The following NSMCE2 variants were observed in gnomAD, a reference collection of about 807,000 sequenced individuals.
The protein encoded by NSMCE2 is NSE2 SUMO ligase component of SMC5/6 complex.
A neutral mutation model predicts 23.8 loss-of-function variants in NSMCE2; 24 were observed. That is an observed-to-expected ratio of 1.01 (90% CI 0.73 to 1.42). The LOEUF is 1.42. Ranked by LOEUF, NSMCE2 falls within the 40% of genes most tolerant of loss-of-function variation. The pLI, the probability that NSMCE2 is intolerant of heterozygous loss-of-function variation, is 0.00. For missense variants in NSMCE2, 284 were observed against 296.5 expected (o/e 0.96, Z 0.31); for synonymous variants, 92 against 94.1 (o/e 0.98, Z 0.13).
At chr8:125,172,732 A>T (rs772941354) in intron 4 of NSMCE2, among the ~76,000 whole-genome samples, 1 of 152,246 alleles carries the variant, frequency 6.6e-6, no homozygotes, top group Non-Finnish European at 1.5e-5. Context: ...AGACCAAAAA[A>T]TAAATATGAA....
rs112768951 is a variant in NSMCE2 at position 125,119,392 on chromosome 8, G to T, written c.157+16905G>T. Among the ~76,000 whole-genome samples the T allele has an allele frequency of 6.6e-3, 1,001 of 152,278 alleles. 20 individuals are homozygous for T. Among genetic ancestry groups the T allele is most frequent in the African/African-American group, 0.023 (955 of 41,552 alleles). Reference sequence around the variant, plus strand: ...GTCACTTTTTAGTTTTTAAAACAGCGTGTATAGTATCTGAATACCATCTGG... The same window carrying T: ...GTCACTTTTTAGTTTTTAAAACAGCTTGTATAGTATCTGAATACCATCTGG... On this transcript the variant is annotated intron_variant, in intron 3 of 7. Transcript: ENST00000287437.
At chr8:125,293,872 A>G (rs1828216258) in intron 5 of NSMCE2, among the ~76,000 whole-genome samples, 1 of 152,222 alleles carries the variant, frequency 6.6e-6, no homozygotes, top group African/African-American at 2.4e-5. Context: ...TTGTTTTTGT[A>G]TATTCACAGA....
chr8:125,351,826 C>A (rs1274197003), intron 5 of NSMCE2, among the ~76,000 whole-genome samples: 1 of 152,052 alleles, frequency 6.6e-6, no homozygotes, highest in Non-Finnish European at 1.5e-5. Context: ...GCCTGGCCAA[C>A]ATGGTGAAAC....
chr8:125,352,507 G>A (rs541712543), intron 5 of NSMCE2, among the ~76,000 whole-genome samples: 3 of 151,802 alleles, frequency 2.0e-5, no homozygotes, highest in Non-Finnish European at 4.4e-5. Context: ...TGGGAGCAGA[G>A]GAGCTCCCAG....
rs553108814 is a variant in NSMCE2, at chr8:125,357,248, G to A, written c.448G>A (p.Gly150Arg). ...CGLQADREAD[G>R]TEGVDEDIIV... is the part of the protein sequence containing the mutation. The stretch of plus-strand genomic sequence containing the variant: ...TCTTCAAGCTGACAGAGAAGCTGAC[G>A]GAACAGAAGGAGTGGATGAAGATAT... The change falls in exon 6 of 8, where the codon GGA becomes AGA. Residue 150 changes from glycine to arginine, a missense_variant. Around this residue, in one of 2 missense-constraint regions of NSMCE2, gnomAD observed 102 missense variants for 141.0 expected, o/e 0.72. Transcript: ENST00000287437. The A allele has an allele frequency of 2.9e-5, 46 of 1,613,444 alleles. No individual in the cohort carries two copies. The highest frequency in any genetic ancestry group is 3.6e-5 in the Non-Finnish European group (42 of 1,179,428).
chr8:125,295,999 G>A (rs1488549711), intron 5 of NSMCE2, among the ~76,000 whole-genome samples: 1 of 152,098 alleles, frequency 6.6e-6, no homozygotes, highest in Non-Finnish European at 1.5e-5. Context: ...ATTAAAGTAT[G>A]AGTAGGAATT....
At chr8:125,326,965 AAAG>A in intron 5 of NSMCE2, among the ~76,000 whole-genome samples, 1 of 148,414 alleles carries the variant, frequency 6.7e-6, no homozygotes, top group South Asian at 2.1e-4. Flanking sequence ...TCAAAAAAAA[AAAG>A]AGAGAGAGAG....
chr8:125,110,030 A>G (rs1384162743), intron 3 of NSMCE2, among the ~76,000 whole-genome samples: 1 of 152,126 alleles, frequency 6.6e-6, no homozygotes, highest in African/African-American at 2.4e-5. Flanking sequence ...TTATTTTTAA[A>G]TCATCTTTAA....
rs1563663082 is a variant in NSMCE2 at position 125,122,171 on chromosome 8, C to CTA, written c.157+19684_157+19685insTA. Among the ~76,000 whole-genome samples the CTA allele has an allele frequency of 1.6e-4, 14 of 86,416 alleles. 1 individual carries two copies. Among genetic ancestry groups the CTA allele is most frequent in the African/African-American group, 5.9e-4 (13 of 22,158 alleles). 56.7% of individuals were successfully genotyped at this position (86,416 alleles called of 152,430 possible). A position where few individuals can be genotyped will look rare whatever the true frequency, so the allele number is the denominator to read the frequency against. ...TGACTTAGAAGGTTCTCTGGCTGAG[C>CTA]CAAAAAAAAAAAAAAAAAAAAAAAT... is the stretch of plus-strand genomic sequence containing the variant. On this transcript the variant is annotated intron_variant, in intron 3 of 7. Transcript: ENST00000287437.
chr8:125,351,836 C>T (rs1295649544), intron 5 of NSMCE2, among the ~76,000 whole-genome samples: 1 of 151,784 alleles, frequency 6.6e-6, no homozygotes, highest in African/African-American at 2.4e-5. Context: ...CATGGTGAAA[C>T]CCCCATCTCT....
intron 5 of NSMCE2, among the ~76,000 whole-genome samples, chr8:125,303,387 A>T (rs917600254): frequency 6.6e-6 from 1 of 152,174 alleles, no homozygotes; most frequent in African/African-American, 2.4e-5. Flanking sequence ...CCAAATAAGG[A>T]CCTACCCAAT....
intron 5 of NSMCE2, among the ~76,000 whole-genome samples, chr8:125,185,634 A>G (rs1343269730): frequency 6.6e-6 from 1 of 152,214 alleles, no homozygotes; most frequent in South Asian, 2.1e-4. Flanking sequence ...GAGAGCCCCC[A>G]GAGAGCTTTT....
chr8:125,357,889 A>G, intron 7 of NSMCE2, 71 bp downstream of exon 7: 1 of 1,011,108 alleles, frequency 9.9e-7, no homozygotes, highest in South Asian at 1.3e-5. Context: ...TGTTCACGCT[A>G]GAGGAAGAGG....
At chr8:125,299,235 A>G (rs1350225213) in intron 5 of NSMCE2, among the ~76,000 whole-genome samples, 1 of 152,160 alleles carries the variant, frequency 6.6e-6, no homozygotes, top group Non-Finnish European at 1.5e-5. Flanking sequence ...ATCACCAAGT[A>G]TATTGGCTGA....
intron 3 of NSMCE2, among the ~76,000 whole-genome samples, chr8:125,106,940 G>T (rs1370504695): frequency 1.3e-5 from 2 of 151,222 alleles, no homozygotes; most frequent in Non-Finnish European, 2.9e-5. Context: ...AGGTTGCAGT[G>T]AGCCGAGATC....
intron 7 of NSMCE2, among the ~76,000 whole-genome samples, chr8:125,361,337 A>G (rs1251703275): frequency 2.0e-5 from 3 of 151,810 alleles, no homozygotes; most frequent in Admixed American, 6.6e-5. Flanking sequence ...CAACCTTATG[A>G]TTTTCATATA....
chr8:125,212,472 T>C (rs982454577), intron 5 of NSMCE2, among the ~76,000 whole-genome samples: 1 of 152,064 alleles, frequency 6.6e-6, no homozygotes, highest in African/African-American at 2.4e-5. Flanking sequence ...CAGACTATTG[T>C]GGGAGCCTCT....
intron 5 of NSMCE2, among the ~76,000 whole-genome samples, chr8:125,197,922 G>A (rs1030956748): frequency 2.0e-5 from 3 of 152,120 alleles, no homozygotes; most frequent in Non-Finnish European, 4.4e-5. Context: ...TTGCAAGTTG[G>A]ATTCCTAGGT....
chr8:125,099,608 A>C (rs1353800920), intron 1 of NSMCE2, among the ~76,000 whole-genome samples: 1 of 152,160 alleles, frequency 6.6e-6, no homozygotes, highest in African/African-American at 2.4e-5. Flanking sequence ...ACTGTGTTGC[A>C]TACTGCTGGC....
Sources: gnomAD v4.1 joint callset for allele counts (sites outside exome capture counted in the v4.1 genomes callset) on GRCh38, gnomAD v4.1.1 for gene constraint, gnomAD v4.1.1 regional missense constraint, MANE v1.5 for transcripts, NCBI Gene and HGNC (gene_info 2026-07-23, HGNC 2026-07-21) for gene names.